The following ST6GALNAC5 variants were observed in gnomAD, a reference collection of about 807,000 sequenced individuals.
The protein encoded by ST6GALNAC5 is ST6 N-acetylgalactosaminide alpha-2,6-sialyltransferase 5.
ST6GALNAC5 carries 27 observed loss-of-function variants against 33.6 expected under a neutral mutation model. That is an observed-to-expected ratio of 0.80 (90% confidence interval 0.59 to 1.11). ST6GALNAC5 has a LOEUF of 1.11. Among genes scored for constraint, ST6GALNAC5 ranks in the 50% least tolerant of loss-of-function variants. ST6GALNAC5 has a pLI of 0.00. For missense variants in ST6GALNAC5, 428 were observed against 454.0 expected (o/e 0.94, Z 0.52); for synonymous variants, 194 against 171.2 (o/e 1.13, Z -1.04).
At chr1:76,887,369 C>A (rs1653920637) in intron 2 of ST6GALNAC5, among the ~76,000 whole-genome samples, 1 of 152,106 alleles carries the variant, frequency 6.6e-6, no homozygotes, top group Non-Finnish European at 1.5e-5. Flanking sequence ...TAAATGTGAG[C>A]ATGTTATGGT....
At chr1:77,009,618 C>A (rs1650557354) in intron 2 of ST6GALNAC5, among the ~76,000 whole-genome samples, 1 of 152,080 alleles carries the variant, frequency 6.6e-6, no homozygotes, top group African/African-American at 2.4e-5. Context: ...ATCTTCCTGT[C>A]CTCCCCCATG....
At chr1:76,919,720 G>A (rs1647012064) in intron 2 of ST6GALNAC5, among the ~76,000 whole-genome samples, 2 of 152,292 alleles carry the variant, frequency 1.3e-5, no homozygotes, top group South Asian at 4.1e-4. Flanking sequence ...CAAGCCAAGA[G>A]TTCTTAGTTA....
chr1:76,957,535 C>T (rs1256508872), intron 2 of ST6GALNAC5, among the ~76,000 whole-genome samples: 1 of 152,156 alleles, frequency 6.6e-6, no homozygotes, highest in Admixed American at 6.6e-5. Flanking sequence ...TAGCTCAGTA[C>T]ACCTGTAGTC....
chr1:76,996,285 C>G (rs1347870037), intron 2 of ST6GALNAC5, among the ~76,000 whole-genome samples: 2 of 152,190 alleles, frequency 1.3e-5, no homozygotes, highest in Non-Finnish European at 2.9e-5. Flanking sequence ...GTTTGTGACT[C>G]TGTGCCCGTG....
intron 4 of ST6GALNAC5, among the ~76,000 whole-genome samples, chr1:77,055,387 A>C (rs1301520515): frequency 6.6e-6 from 1 of 152,174 alleles, no homozygotes; most frequent in Non-Finnish European, 1.5e-5. Flanking sequence ...CTCTTTACTA[A>C]TAACATTAAT....
intron 2 of ST6GALNAC5, among the ~76,000 whole-genome samples, chr1:76,945,435 T>C (rs1171347464): frequency 1.3e-5 from 2 of 152,082 alleles, no homozygotes; most frequent in Non-Finnish European, 2.9e-5. Context: ...GAATGAACGA[T>C]GAACCAAAGT....
intron 4 of ST6GALNAC5, among the ~76,000 whole-genome samples, chr1:77,052,328 A>C (rs1652249309): frequency 6.6e-6 from 1 of 152,218 alleles, no homozygotes; most frequent in African/African-American, 2.4e-5. Context: ...GATGGATTCT[A>C]CAGTTCTATT....
At chr1:76,998,795 G>GT (rs1235611817) in intron 2 of ST6GALNAC5, among the ~76,000 whole-genome samples, 1 of 152,146 alleles carries the variant, frequency 6.6e-6, no homozygotes, top group Non-Finnish European at 1.5e-5. Context: ...ACTCTCTTTT[G>GT]TAATTATAGA....
intron 2 of ST6GALNAC5, among the ~76,000 whole-genome samples, chr1:76,912,741 T>C (rs549399857): frequency 2.0e-5 from 3 of 152,226 alleles, no homozygotes; most frequent in Admixed American, 1.3e-4. Flanking sequence ...AGACTAGGAT[T>C]GCAACCCCTG....
chr1:77,042,101 C>T (rs1352975157), intron 2 of ST6GALNAC5, among the ~76,000 whole-genome samples: 1 of 152,176 alleles, frequency 6.6e-6, no homozygotes, highest in Non-Finnish European at 1.5e-5. Flanking sequence ...TTTTTCTACC[C>T]TTCAATATTC....
At chr1:76,953,384 C>T (rs999656371) in intron 2 of ST6GALNAC5, among the ~76,000 whole-genome samples, 6 of 152,048 alleles carry the variant, frequency 3.9e-5, no homozygotes, top group South Asian at 2.1e-4. Flanking sequence ...TTGCTATGTG[C>T]TGATATCTCA....
intron 2 of ST6GALNAC5, among the ~76,000 whole-genome samples, chr1:77,007,167 G>A (rs1385480689): frequency 6.6e-6 from 1 of 152,196 alleles, no homozygotes; most frequent in African/African-American, 2.4e-5. Context: ...AAAGAGCTGA[G>A]ACCATTACTA....
intron 3 of ST6GALNAC5, among the ~76,000 whole-genome samples, chr1:77,045,544 T>C (rs967745435): frequency 3.9e-5 from 6 of 152,322 alleles, no homozygotes; most frequent in African/African-American, 1.4e-4. Flanking sequence ...TAAAAATGTA[T>C]TTTTCACTAT....
At position 77,017,159 on chromosome 1, in the gene ST6GALNAC5, A is replaced by G. The variant is rs1650881312; in HGVS notation, c.262-27045A>G. Reference sequence around the variant, plus strand: ...TGTAATCAGGAAAAGGCAAAAAAAAAAAAAAAAAAGGTAAAGACACAGTAT... The same window carrying G: ...TGTAATCAGGAAAAGGCAAAAAAAAGAAAAAAAAAGGTAAAGACACAGTAT... On this transcript the variant is annotated intron_variant, in intron 2 of 4. Transcript: ENST00000477717. 2.0e-5 allele frequency among the ~76,000 whole-genome samples: 3 copies of G among 152,144 alleles called. No homozygotes were observed. In the South Asian group the frequency reaches 6.2e-4, roughly 32 times the overall value.
intron 2 of ST6GALNAC5, among the ~76,000 whole-genome samples, chr1:77,015,677 C>T (rs1016861226): frequency 1.3e-5 from 2 of 151,940 alleles, no homozygotes; most frequent in Non-Finnish European, 1.5e-5. Flanking sequence ...AGGAGGGGCA[C>T]CTGCCTCAAT....
In ST6GALNAC5 at chr1:77,044,495, G is replaced by A; in HGVS notation, c.553G>A (p.Val185Ile). The A allele has an allele frequency of 2.5e-6, 4 of 1,613,324 alleles. 1 individual carries two copies. Among genetic ancestry groups the A allele is most frequent in the South Asian group, 2.2e-5 (2 of 90,976 alleles). Residue 185 changes from valine to isoleucine, a missense_variant, in exon 3 of 5, where the codon GTC (valine) becomes ATC (isoleucine). Physicochemically the swap from Val to Ile is conservative, Grantham distance 29. Coordinates refer to ENST00000477717, the MANE Select transcript of ST6GALNAC5 (RefSeq NM_030965.3). The part of the protein sequence containing the change: ...SYMRRDGKGQ[V>I]YNNLHLLSQV... ...CATGCGGCGGGACGGCAAGGGCCAG[G>A]TCTACAACAACCTGCATCTCCTGAG...
chr1:76,893,008 C>T (rs943320522), intron 2 of ST6GALNAC5, among the ~76,000 whole-genome samples: 1 of 152,130 alleles, frequency 6.6e-6, no homozygotes, highest in Non-Finnish European at 1.5e-5. Context: ...CCTCTGTAGG[C>T]CCAAGACTGT....
chr1:77,038,088 G>C (rs1411960482), intron 2 of ST6GALNAC5, among the ~76,000 whole-genome samples: 2 of 152,138 alleles, frequency 1.3e-5, no homozygotes, highest in African/African-American at 4.8e-5. Flanking sequence ...CAAAGTCAGT[G>C]ACTCAAAAAA....
chr1:76,936,177 C>T (rs533954646), intron 2 of ST6GALNAC5, among the ~76,000 whole-genome samples: 3 of 152,154 alleles, frequency 2.0e-5, no homozygotes, highest in African/African-American at 7.2e-5. Flanking sequence ...ATTTTGCACA[C>T]GTTTGTTAAC....
Sources: allele counts gnomAD v4.1 joint callset (sites outside exome capture counted in the v4.1 genomes callset), GRCh38; gene constraint gnomAD v4.1.1; transcripts MANE v1.5; gene names NCBI Gene and HGNC (gene_info 2026-07-23, HGNC 2026-07-21).